The following PHACTR3 variants were observed in gnomAD, a reference collection of about 807,000 sequenced individuals.
PHACTR3 encodes protein phosphatase 1, regulatory subunit 123.
In PHACTR3, 16 loss-of-function variants were observed where a neutral mutation model predicts 66.8. The observed-to-expected ratio is 0.24, with a 90% confidence interval of 0.16 to 0.36. The LOEUF (loss-of-function observed/expected upper bound fraction) is 0.36. Ranked by LOEUF, PHACTR3 falls within the 10% of genes least tolerant of loss-of-function variation. PHACTR3 has a pLI of 1.00. For synonymous variants in PHACTR3, 323 were observed against 292.1 expected, an observed-to-expected ratio of 1.11 and a Z score of -1.08; for missense variants, 647 against 719.9, an observed-to-expected ratio of 0.90 and a Z score of 1.16.
At chr20:59,672,565 A>T (rs973389951) in intron 1 of PHACTR3, among the ~76,000 whole-genome samples, 2 of 152,210 alleles carry the variant, frequency 1.3e-5, no homozygotes, top group Non-Finnish European at 2.9e-5. Context: ...TCATCTGGGC[A>T]TCAAGAGAGG....
intron 1 of PHACTR3, among the ~76,000 whole-genome samples, chr20:59,588,654 C>T (rs2146308802): frequency 6.6e-6 from 1 of 152,352 alleles, no homozygotes; most frequent in Non-Finnish European, 1.5e-5. Flanking sequence ...ACCCCTCACC[C>T]CTGGCTGCTT....
At chr20:59,623,486 C>T (rs1426314383) in intron 1 of PHACTR3, among the ~76,000 whole-genome samples, 1 of 152,204 alleles carries the variant, frequency 6.6e-6, no homozygotes, top group Non-Finnish European at 1.5e-5. Flanking sequence ...GTCTCTCGTC[C>T]CACGACAGCT....
At chr20:59,606,597 C>T (rs1000372621) in intron 1 of PHACTR3, among the ~76,000 whole-genome samples, 3 of 152,178 alleles carry the variant, frequency 2.0e-5, no homozygotes, top group African/African-American at 7.2e-5. Flanking sequence ...CACAACTGTT[C>T]CAATCATGGA....
At chr20:59,612,360 CT>C (rs11319260) in intron 1 of PHACTR3, among the ~76,000 whole-genome samples, 11,386 of 140,658 alleles carry the variant, frequency 0.081, 790 homozygotes, top group East Asian at 0.32. Context: ...CCATCTTCAT[CT>C]TTTTTTTTTT....
At chr20:59,800,435 G>A (rs1350368181) in intron 7 of PHACTR3, among the ~76,000 whole-genome samples, 1 of 152,110 alleles carries the variant, frequency 6.6e-6, no homozygotes, top group Non-Finnish European at 1.5e-5. Context: ...ATGGAATTCC[G>A]AGTTGTCTGG....
chr20:59,619,327 G>A (rs1367516564), intron 1 of PHACTR3, among the ~76,000 whole-genome samples: 1 of 152,106 alleles, frequency 6.6e-6, no homozygotes, highest in Non-Finnish European at 1.5e-5. Context: ...GATGGAAGCG[G>A]GGGATGCTGG....
rs143841713 is a variant in PHACTR3, at chr20:59,727,847, C to T, written c.119-15260C>T. 2.3e-3 allele frequency among the ~76,000 whole-genome samples: 348 copies of T among 152,164 alleles called. 1 individual carries two copies. Among genetic ancestry groups the T allele is most frequent in the African/African-American group, 7.7e-3 (319 of 41,530 alleles). On this transcript the variant is annotated intron_variant, in intron 1 of 12. Coordinates refer to ENST00000371015, the MANE Select transcript of PHACTR3 (RefSeq NM_080672.5). Reference sequence around the variant, plus strand: ...CCAAAATCAGAAGAAATCTGAAATCCGAAACACTTCTGGTCCCAAGTGTTT... The same window carrying T: ...CCAAAATCAGAAGAAATCTGAAATCTGAAACACTTCTGGTCCCAAGTGTTT...
chr20:59,676,576 G>A (rs2036456023), intron 1 of PHACTR3: 2 of 336,598 alleles, frequency 5.9e-6, no homozygotes, highest in Non-Finnish European at 4.2e-6. Context: ...GTGCTGCGCC[G>A]GGTTGGAGGT....
chr20:59,819,780 G>C, intron 8 of PHACTR3, among the ~76,000 whole-genome samples: 1 of 147,848 alleles, frequency 6.8e-6, no homozygotes, highest in South Asian at 2.2e-4. Context: ...CCACCCGTCA[G>C]CTGAGGCACC....
intron 12 of PHACTR3, 61 bp downstream of exon 12, chr20:59,845,326 C>T (rs112656796): frequency 2.7e-4 from 274 of 1,026,576 alleles, no homozygotes; most frequent in African/African-American, 1.9e-3. Flanking sequence ...CGCCTTCCCC[C>T]GTCCCCCGCC....
chr20:59,847,674 G>T lies in PHACTR3; in HGVS notation c.*544G>T, dbSNP rs2145551082. Reference sequence around the variant, plus strand: ...CAACATTTTGATTCCTGTTAATTTTGTTCTTTAATTAAATGACTACTTATT... The same window carrying T: ...CAACATTTTGATTCCTGTTAATTTTTTTCTTTAATTAAATGACTACTTATT... On this transcript the variant is annotated 3_prime_UTR_variant, in exon 13 of 13. Transcript: ENST00000371015. The T allele has an allele frequency of 6.6e-6, 1 of 152,592 alleles. No individual in the cohort carries two copies. The highest frequency in any genetic ancestry group is 1.5e-5 in the Non-Finnish European group (1 of 67,998). The allele number at this position is 152,592 out of a possible 1,614,324, so 9.5% of individuals were successfully genotyped here.
At position 59,820,338 on chromosome 20, in the gene PHACTR3, G is replaced by C. The variant is rs73307176; in HGVS notation, c.1328+14144G>C. 0.014 allele frequency among the ~76,000 whole-genome samples: 2,137 copies of C among 152,326 alleles called. 54 individuals are homozygous for C. Among genetic ancestry groups the C allele is most frequent in the African/African-American group, 0.049 (2,021 of 41,558 alleles). On this transcript the variant is annotated intron_variant, in intron 8 of 12. Coordinates refer to ENST00000371015, the MANE Select transcript of PHACTR3 (RefSeq NM_080672.5). The surrounding 1 kb of genome is among the most constrained non-coding windows in gnomAD (Gnocchi z 4.6). ...CCTCAGCCCTAAAGGGAGGGGCCTG[G>C]TAGTCCTGCAAAGGCCGGGGCAGGC...
intron 1 of PHACTR3, among the ~76,000 whole-genome samples, chr20:59,687,263 T>C (rs1286121295): frequency 1.3e-5 from 2 of 151,818 alleles, no homozygotes; most frequent in African/African-American, 4.8e-5. Flanking sequence ...GTGGTGATGA[T>C]GGTGATGATG....
At chr20:59,601,602 C>A (rs771450587), upstream of PHACTR3, among the ~76,000 whole-genome samples, 13 of 152,194 alleles carry the variant, frequency 8.5e-5, no homozygotes, top group Non-Finnish European at 1.5e-4. Context: ...AGGGCTCAAG[C>A]CAGTCATGGT....
intron 1 of PHACTR3, among the ~76,000 whole-genome samples, chr20:59,724,597 G>T (rs1267225085): frequency 2.6e-5 from 4 of 152,264 alleles, no homozygotes; most frequent in South Asian, 4.2e-4. Context: ...CACCTGGGGA[G>T]ATTTGAAGCC....
intron 3 of PHACTR3, among the ~76,000 whole-genome samples, chr20:59,748,224 C>T (rs1171928527): frequency 6.6e-6 from 1 of 151,964 alleles, no homozygotes; most frequent in Non-Finnish European, 1.5e-5. Context: ...ATTTTTAATT[C>T]CACTATTACC....
intron 1 of PHACTR3, among the ~76,000 whole-genome samples, chr20:59,724,294 G>A (rs1601194628): frequency 6.6e-6 from 1 of 152,162 alleles, no homozygotes; most frequent in East Asian, 1.9e-4. Context: ...GACCGGAGTG[G>A]TCCCCAGGGA....
intron 1 of PHACTR3, among the ~76,000 whole-genome samples, chr20:59,635,262 T>C (rs542808609): frequency 4.8e-5 from 7 of 144,806 alleles, no homozygotes; most frequent in Non-Finnish European, 7.5e-5. Context: ...GAGATAGAGT[T>C]TTGCTCTTGT....
At chr20:59,669,987 C>T (rs150024015) in intron 1 of PHACTR3, among the ~76,000 whole-genome samples, 1 of 152,318 alleles carries the variant, frequency 6.6e-6, no homozygotes, top group East Asian at 1.9e-4. Flanking sequence ...ATTAATTCAT[C>T]TCTCTATGTG....
Sources: gnomAD v4.1 joint callset for allele counts (sites outside exome capture counted in the v4.1 genomes callset) on GRCh38, gnomAD v4.1.1 for gene constraint, Gnocchi (gnomAD v3.1) non-coding constraint, MANE v1.5 for transcripts, NCBI Gene and HGNC (gene_info 2026-07-23, HGNC 2026-07-21) for gene names.